USP37: variants seen among roughly 807,000 people sequenced by gnomAD.
USP37 encodes the protein ubiquitin carboxyl-terminal hydrolase 37.
In USP37, 27 loss-of-function variants were observed where a neutral mutation model predicts 124.0. The observed-to-expected ratio is 0.22, with a 90% confidence interval of 0.16 to 0.30. The LOEUF (loss-of-function observed/expected upper bound fraction) is 0.30. Ranked by LOEUF, USP37 falls within the 10% of genes least tolerant of loss-of-function variation. The probability of loss-of-function intolerance (pLI) is 1.00; values close to 1 mark genes in which losing one functional copy is unlikely to be tolerated. For missense variants in USP37, 889 were observed against 1,140.4 expected (o/e 0.78, Z 3.17); for synonymous variants, 365 against 388.0 (o/e 0.94, Z 0.70).
At chr2:218,470,394 A>T (rs1011118175) in intron 20 of USP37, among the ~76,000 whole-genome samples, 3 of 152,190 alleles carry the variant, frequency 2.0e-5, no homozygotes, top group African/African-American at 4.8e-5. Flanking sequence ...TCTTGTTTGG[A>T]CTACTGCAAT....
chr2:218,546,358 A>G, intron 7 of USP37, 60 bp from the exon 8 acceptor site: 1 of 1,165,930 alleles, frequency 8.6e-7, no homozygotes, highest in African/African-American at 1.5e-5. Flanking sequence ...ACAAAAATTC[A>G]TAAATCAACA....
chr2:218,510,120 G>C lies in USP37; in HGVS notation c.884C>G (p.Thr295Ser). 1 of 1,610,080 alleles carries C rather than the reference G, an allele frequency of 6.2e-7. No homozygotes were observed. The highest frequency in any genetic ancestry group is 8.5e-7 in the Non-Finnish European group (1 of 1,179,232). Residue 295 changes from threonine to serine, a missense_variant, in exon 11 of 26, where the codon ACT becomes AGT. By Grantham distance (58) the Thr-to-Ser change is moderately conservative (BLOSUM62 1). Coordinates refer to ENST00000258399, the MANE Select transcript of USP37 (RefSeq NM_020935.3). ...TCCCAAACTTCTTTTGGCAGAGGGA[G>C]TCTGGCTTGAAACATTAGTCCTACA... Reference protein sequence around the residue: ...NLDRTNVSSQTPSAKRSLGFL... With the variant: ...NLDRTNVSSQSPSAKRSLGFL...
intron 14 of USP37, among the ~76,000 whole-genome samples, chr2:218,492,082 T>C (rs541728092): frequency 6.6e-6 from 1 of 152,228 alleles, no homozygotes; most frequent in Admixed American, 6.5e-5. Flanking sequence ...GCACCTGTAG[T>C]CCCAGCTATT....
In USP37 at chr2:218,451,044, A is replaced by C. The variant is rs1450485587; in HGVS notation, c.*3886T>G. The C allele has an allele frequency of 6.6e-6, 1 of 152,172 alleles. No individual in the cohort carries two copies. Among genetic ancestry groups the C allele is most frequent in the Non-Finnish European group, 1.5e-5 (1 of 68,036 alleles). The allele number at this position is 152,172 out of a possible 1,614,324, so 9.4% of individuals were successfully genotyped here. The stretch of plus-strand genomic sequence containing the variant: ...GTCACAAAACTTTCAAGGCCTAACA[A>C]ATTAGAATTTTCCAATAAAAAATAT... On this transcript the variant is annotated 3_prime_UTR_variant, in exon 26 of 26. Coordinates refer to ENST00000258399, the MANE Select transcript of USP37 (RefSeq NM_020935.3).
chr2:218,549,339 A>G (rs1692536572), intron 6 of USP37, among the ~76,000 whole-genome samples: 1 of 152,204 alleles, frequency 6.6e-6, no homozygotes, highest in African/African-American at 2.4e-5. Flanking sequence ...GCACAGCCAA[A>G]GAGAATTCAT....
chr2:218,559,672 A>G (rs1340762060), intron 3 of USP37, among the ~76,000 whole-genome samples: 6 of 152,238 alleles, frequency 3.9e-5, no homozygotes, highest in African/African-American at 1.4e-4. Context: ...ATACTCAAAA[A>G]TGGCTGGGTG....
intron 20 of USP37, among the ~76,000 whole-genome samples, chr2:218,469,954 G>T (rs1385555375): frequency 6.6e-6 from 1 of 151,610 alleles, no homozygotes; most frequent in African/African-American, 2.4e-5. Flanking sequence ...CCAAGTAGCT[G>T]GGACTACAGG....
chr2:218,506,605 C>CTTTTTTTTTTTTTTTT (rs35770553), intron 11 of USP37, among the ~76,000 whole-genome samples: 1 of 136,266 alleles, frequency 7.3e-6, no homozygotes. Flanking sequence ...TTTTATACTT[C>CTTTTTTTTTTTTTTTT]TTTTTTTTTT....
chr2:218,469,814 CTTTTTTTTTTTTT>C (rs71064451), intron 20 of USP37, among the ~76,000 whole-genome samples: 1 of 64,646 alleles, frequency 1.5e-5, no homozygotes, highest in Admixed American at 2.2e-4. Flanking sequence ...ACTCAACATT[CTTTTTTTTTTTTT>C]TTTTTTTTTT....
At chr2:218,507,634 A>C (rs1689752256) in intron 11 of USP37, among the ~76,000 whole-genome samples, 1 of 152,076 alleles carries the variant, frequency 6.6e-6, no homozygotes, top group African/African-American at 2.4e-5. Context: ...AATAGGGCTT[A>C]ATTGAAGCAC....
At chr2:218,556,983 C>T (rs912100270) in intron 4 of USP37, among the ~76,000 whole-genome samples, 1 of 152,102 alleles carries the variant, frequency 6.6e-6, no homozygotes, top group African/African-American at 2.4e-5. Flanking sequence ...CCACCTCAAC[C>T]TTATAAGTAG....
chr2:218,517,868 A>AC (rs1559201792), intron 10 of USP37, among the ~76,000 whole-genome samples: 1 of 152,158 alleles, frequency 6.6e-6, no homozygotes. Context: ...ATGTCTCTTA[A>AC]CACTCTCCTG....
At chr2:218,466,406 G>A (rs1286154804) in intron 20 of USP37, among the ~76,000 whole-genome samples, 1 of 152,092 alleles carries the variant, frequency 6.6e-6, no homozygotes, top group Non-Finnish European at 1.5e-5. Flanking sequence ...AGTATGTCCT[G>A]TGCATTGTAG....
In USP37 at chr2:218,453,920, CTCT is replaced by C. The variant is rs1338254894; in HGVS notation, c.*1007_*1009del. 6.6e-6 allele frequency: 1 copy of C among 152,120 alleles called. No individual in the cohort carries two copies. The highest frequency in any genetic ancestry group is 1.5e-5 in the Non-Finnish European group (1 of 68,024). The allele number at this position is 152,120 out of a possible 1,614,324, so 9.4% of individuals were successfully genotyped here. ...GAATTTTAGCTTTACCAGAAGAACA[CTCT>C]TCTTATCCTCCCTATGTTTGAGAGA... On this transcript the variant is annotated 3_prime_UTR_variant, in exon 26 of 26. Coordinates refer to ENST00000258399, the MANE Select transcript of USP37 (RefSeq NM_020935.3).
intron 1 of USP37, 122 bp downstream of exon 1, chr2:218,568,056 G>C (rs536070572): frequency 3.9e-5 from 6 of 152,478 alleles, no homozygotes; most frequent in Non-Finnish European, 8.8e-5. Flanking sequence ...GAGGGGTTGT[G>C]GGCGGGCTGA....
At chr2:218,502,155 C>G (rs1045960516) in intron 11 of USP37, among the ~76,000 whole-genome samples, 1 of 151,968 alleles carries the variant, frequency 6.6e-6, no homozygotes, top group Non-Finnish European at 1.5e-5. Context: ...AGAACTTAAA[C>G]AGGAGACTCA....
intron 24 of USP37, 127 bp from the exon 25 acceptor site, chr2:218,455,845 A>G: frequency 4.1e-6 from 4 of 972,368 alleles, no homozygotes; most frequent in Non-Finnish European, 5.9e-6. Context: ...CAGGAGTTTG[A>G]GACCAGCCTC....
intron 9 of USP37, among the ~76,000 whole-genome samples, chr2:218,531,400 T>G (rs1447832402): frequency 6.6e-6 from 1 of 152,244 alleles, no homozygotes; most frequent in African/African-American, 2.4e-5. Context: ...AAGCCACTAC[T>G]GATACCCAAT....
At chr2:218,460,358 T>A (rs1199701697) in intron 22 of USP37, among the ~76,000 whole-genome samples, 1 of 151,976 alleles carries the variant, frequency 6.6e-6, no homozygotes, top group Non-Finnish European at 1.5e-5. Context: ...ACATAAAACG[T>A]AATATGACGG....
Sources: gnomAD v4.1 joint callset for allele counts (sites outside exome capture counted in the v4.1 genomes callset) on GRCh38, gnomAD v4.1.1 for gene constraint, MANE v1.5 for transcripts, NCBI Gene and HGNC (gene_info 2026-07-23, HGNC 2026-07-21) for gene names.